Variants in ALPK3 observed in about 807,000 individuals in gnomAD.
ALPK3 encodes the protein alpha-protein kinase 3.
ALPK3 carries 102 observed loss-of-function variants against 140.0 expected under a neutral mutation model. The observed-to-expected ratio is 0.73, with a 90% CI of 0.62 to 0.86. The LOEUF (loss-of-function observed/expected upper bound fraction) is 0.86. Ranked by LOEUF, ALPK3 falls within the 40% of genes least tolerant of loss-of-function variation. The probability of loss-of-function intolerance (pLI) is 0.00; values close to 1 mark genes in which losing one functional copy is unlikely to be tolerated. For missense variants in ALPK3, 2,254 were observed against 2,208.2 expected (o/e 1.02, Z -0.42); for synonymous variants, 938 against 898.5 (o/e 1.04, Z -0.79).
intron 3 of ALPK3, among the ~76,000 whole-genome samples, chr15:84,828,003 A>C (rs1963508114): frequency 6.6e-6 from 1 of 152,156 alleles, no homozygotes; most frequent in Non-Finnish European, 1.5e-5. Flanking sequence ...TGAGAGGAGA[A>C]TTGCATGTGG....
In ALPK3 at chr15:84,857,724, A is replaced by G. The variant is rs1212861227; in HGVS notation, c.2986A>G (p.Thr996Ala). The G allele has an allele frequency of 2.5e-6, 4 of 1,612,720 alleles. No homozygotes were observed. Among genetic ancestry groups the G allele is most frequent in the Admixed American group, 1.7e-5 (1 of 59,984 alleles). ...CACCGGAGGTCTGGTGCCCTCAGCCACTCTGACACCCACTGTGGAAGTGGC... is the reference window on the plus strand; with the variant it reads ...CACCGGAGGTCTGGTGCCCTCAGCCGCTCTGACACCCACTGTGGAAGTGGC... ...AATGGLVPSATLTPTVEVAGL... is the reference protein window; with the variant it reads ...AATGGLVPSAALTPTVEVAGL... Residue 996 changes from threonine (T) to alanine (A), a missense_variant, in exon 6 of 14, where the codon ACT becomes GCT. Transcript: ENST00000258888.
intron 5 of ALPK3, among the ~76,000 whole-genome samples, chr15:84,855,251 T>C (rs572537854): frequency 3.3e-5 from 5 of 152,344 alleles, no homozygotes; most frequent in African/African-American, 9.6e-5. Flanking sequence ...TTGTCTACAG[T>C]AGCCGTGATT....
chr15:84,824,149 T>C (rs1382016133), intron 2 of ALPK3, among the ~76,000 whole-genome samples: 1 of 152,258 alleles, frequency 6.6e-6, no homozygotes, highest in Non-Finnish European at 1.5e-5. Context: ...CCTCTTTCTC[T>C]GAATTTTCCT....
chr15:84,859,731 T>G, intron 7 of ALPK3, 45 bp from the exon 8 acceptor site: 1 of 1,576,784 alleles, frequency 6.3e-7, no homozygotes, highest in Non-Finnish European at 8.6e-7. Context: ...GACCACAGTC[T>G]GCCCCCATGC....
At chr15:84,827,657 T>G (rs1389779802) in intron 3 of ALPK3, 52 bp downstream of exon 3, 3 of 1,601,180 alleles carry the variant, frequency 1.9e-6, no homozygotes, top group Admixed American at 3.4e-5. Context: ...CAGAGCAGGG[T>G]CCAAGGAGGC....
At chr15:84,853,221 G>C (rs549325978) in intron 5 of ALPK3, among the ~76,000 whole-genome samples, 40 of 152,150 alleles carry the variant, frequency 2.6e-4, no homozygotes, top group Non-Finnish European at 4.4e-4. Context: ...ATAAAAAAGA[G>C]GCTCTAATAT....
chr15:84,864,915 A>C (rs1440209186), intron 12 of ALPK3, among the ~76,000 whole-genome samples: 1 of 152,234 alleles, frequency 6.6e-6, no homozygotes, highest in Admixed American at 6.5e-5. Flanking sequence ...CTCAATTAAA[A>C]GTAAAAAGGA....
At chr15:84,834,889 C>T (rs1963582595) in intron 3 of ALPK3, among the ~76,000 whole-genome samples, 1 of 152,260 alleles carries the variant, frequency 6.6e-6, no homozygotes, top group Non-Finnish European at 1.5e-5. Flanking sequence ...ATATAGTTCA[C>T]ATTATTCAGG....
rs988858185 is a variant in ALPK3, at chr15:84,838,860, G to A, written c.305-120G>A. ...TGGTCTTAAACTCCTGACCTCAGGT[G>A]ATCTGCCTGCCTCAGCCTCCCAAAG... is the stretch of plus-strand genomic sequence containing the variant. On this transcript the variant is annotated intron_variant, in intron 3 of 13. Transcript: ENST00000258888. 43 of 749,578 alleles carry A rather than the reference G, an allele frequency of 5.7e-5. 1 individual carries two copies. The highest frequency in any genetic ancestry group is 3.9e-4 in the Middle Eastern group (1 of 2,594). 46.4% of individuals were successfully genotyped at this position (749,578 alleles called of 1,614,324 possible).
chr15:84,859,291 C>T lies in ALPK3; in HGVS notation c.3866C>T (p.Ser1289Phe). Residue 1289 changes from serine (S) to phenylalanine (F), a missense_variant, in exon 7 of 14, where the codon TCC becomes TTC. Transcript: ENST00000258888. ...KIRVEQFPDA[S>F]GSLKLWCQFF... The stretch of plus-strand genomic sequence containing the variant: ...CGGGTGGAGCAGTTTCCTGATGCCT[C>T]CGGTAGCCTGAAGCTGTGGTGCCAG... 1 of 1,614,168 alleles carries T rather than the reference C, an allele frequency of 6.2e-7. No individual in the cohort carries two copies. Among genetic ancestry groups the T allele is most frequent in the East Asian group, 2.2e-5 (1 of 44,888 alleles).
chr15:84,855,898 A>G (rs1302568961), intron 5 of ALPK3, among the ~76,000 whole-genome samples: 3 of 151,996 alleles, frequency 2.0e-5, no homozygotes, highest in Non-Finnish European at 4.4e-5. Context: ...CATTATTATC[A>G]CTCACTCAAT....
At chr15:84,862,451 T>C (rs907065087) in intron 9 of ALPK3, among the ~76,000 whole-genome samples, 184 bp from the exon 10 acceptor site, 8 of 151,614 alleles carry the variant, frequency 5.3e-5, no homozygotes, top group Admixed American at 4.6e-4. Flanking sequence ...TCAAATAGAG[T>C]TTCTGCCCCA....
intron 5 of ALPK3, among the ~76,000 whole-genome samples, chr15:84,843,649 A>G (rs977469114): frequency 2.0e-5 from 3 of 152,274 alleles, no homozygotes; most frequent in Non-Finnish European, 4.4e-5. Context: ...AGGTGGTTCA[A>G]GATACCTAGT....
intron 3 of ALPK3, among the ~76,000 whole-genome samples, chr15:84,830,315 C>A (rs1963532957): frequency 1.3e-5 from 2 of 152,178 alleles, no homozygotes; most frequent in African/African-American, 4.8e-5. Flanking sequence ...TGGCTCTTCC[C>A]TTTGCTTTTC....
rs563871865 is a variant in ALPK3 at position 84,823,899 on chromosome 15, A to T, written c.182+531A>T. ...CTAATTTTTAAAAATTTTCTTGTAG[A>T]GACAGAGTCTCACTGTGTTCCCTGG... On this transcript the variant is annotated intron_variant, in intron 2 of 13. Transcript: ENST00000258888. Among the ~76,000 whole-genome samples, 23 of 152,122 alleles carry T rather than the reference A, an allele frequency of 1.5e-4. No homozygotes were observed. In the East Asian group the frequency reaches 4.1e-3, roughly 27 times the overall value.
Position 84,840,865 on chromosome 15 carries a change from C to G in ALPK3, c.1586C>G (p.Ala529Gly). The change falls in exon 5 of 14, where the codon GCC (alanine) becomes GGC (glycine). Residue 529 changes from alanine (A) to glycine (G), a missense_variant. Coordinates refer to ENST00000258888, the MANE Select transcript of ALPK3 (RefSeq NM_020778.5). ...QASVQVPTPP[A>G]RRRHGTRDST... ...TCTGTGCAGGTGCCGACGCCCCCTG[C>G]CCGGCGGAGACATGGCACCCGGGAC... The G allele has an allele frequency of 6.2e-7, 1 of 1,613,898 alleles. No homozygotes were observed. Among genetic ancestry groups the G allele is most frequent in the Non-Finnish European group, 8.5e-7 (1 of 1,179,932 alleles).
chr15:84,824,636 G>C (rs1963464780), intron 2 of ALPK3, among the ~76,000 whole-genome samples: 1 of 152,212 alleles, frequency 6.6e-6, no homozygotes, highest in South Asian at 2.1e-4. Flanking sequence ...ATTCCAAGTG[G>C]AGTGTGGTAA....
At chr15:84,852,931 A>C (rs1324304086) in intron 5 of ALPK3, among the ~76,000 whole-genome samples, 1 of 152,218 alleles carries the variant, frequency 6.6e-6, no homozygotes, top group African/African-American at 2.4e-5. Flanking sequence ...GAGGCTTTAC[A>C]GTAGTCCAGG....
At chr15:84,849,665 G>T (rs1338237634) in intron 5 of ALPK3, among the ~76,000 whole-genome samples, 1 of 152,104 alleles carries the variant, frequency 6.6e-6, no homozygotes, top group East Asian at 1.9e-4. Flanking sequence ...TATGGGCCAA[G>T]GAAGAAGTCC....
Sources: allele counts gnomAD v4.1 joint callset (sites outside exome capture counted in the v4.1 genomes callset), GRCh38; gene constraint gnomAD v4.1.1; transcripts MANE v1.5; gene names NCBI Gene and HGNC (gene_info 2026-07-23, HGNC 2026-07-21).